The following CEP55 variants were observed in gnomAD, a reference collection of about 807,000 sequenced individuals.
CEP55 encodes centrosomal protein 55.
A neutral mutation model predicts 63.2 loss-of-function variants in CEP55; 57 were observed. The ratio of observed to expected loss-of-function variants is 0.90; its 90% CI spans 0.73 to 1.13. CEP55 has a LOEUF of 1.13. Ranked by LOEUF, CEP55 falls within the 50% of genes most tolerant of loss-of-function variation. The pLI, the probability that CEP55 is intolerant of heterozygous loss-of-function variation, is 0.00. For synonymous variants in CEP55, 178 were observed against 191.6 expected (o/e 0.93, Z 0.59); for missense variants, 456 against 518.9 (o/e 0.88, Z 1.18).
rs756771980 is a variant in CEP55, at chr10:93,516,929, T to C, written c.680-6T>C. The C allele has an allele frequency of 2.6e-6, 4 of 1,562,678 alleles. No homozygotes were observed. The East Asian group carries it at 6.8e-5, about 27-fold the overall frequency. On this transcript the variant is annotated splice_polypyrimidine_tract_variant and splice_region_variant and intron_variant, in intron 5 of 8. Coordinates refer to ENST00000371485, the MANE Select transcript of CEP55 (RefSeq NM_018131.5). ...GTGAGTTGTGCCGTAATGTTGTTTG[T>C]CATAGGTTATCTTCAAGAAGAGAAG...
intron 6 of CEP55, among the ~76,000 whole-genome samples, chr10:93,517,558 AC>A (rs1381286618): frequency 6.6e-6 from 1 of 152,238 alleles, no homozygotes; most frequent in Non-Finnish European, 1.5e-5. Flanking sequence ...AGGAAATTGT[AC>A]ACACAAAGGC....
chr10:93,524,603 TC>T (rs2057900567), intron 8 of CEP55, among the ~76,000 whole-genome samples: 2 of 152,130 alleles, frequency 1.3e-5, no homozygotes, highest in Admixed American at 6.5e-5. Context: ...GCCAGCATCA[TC>T]CTGATACCAA....
chr10:93,515,599 T>A (rs1412957890), intron 5 of CEP55, 44 bp downstream of exon 5: 4 of 1,484,544 alleles, frequency 2.7e-6, no homozygotes, highest in Admixed American at 2.1e-5. Flanking sequence ...AGGCCTGACA[T>A]TTTCCAAAAG....
chr10:93,524,924 T>G (rs914240849), intron 8 of CEP55, among the ~76,000 whole-genome samples: 1 of 152,054 alleles, frequency 6.6e-6, no homozygotes, highest in African/African-American at 2.4e-5. Flanking sequence ...AAATTAGGTA[T>G]TGATGGGACA....
At chr10:93,510,004 C>T (rs2057728277) in intron 4 of CEP55, among the ~76,000 whole-genome samples, 1 of 152,148 alleles carries the variant, frequency 6.6e-6, no homozygotes, top group Non-Finnish European at 1.5e-5. Flanking sequence ...CAGAAACTTC[C>T]TGTAGAAGCT....
chr10:93,517,766 G>A (rs117554604), intron 6 of CEP55, among the ~76,000 whole-genome samples: 2,268 of 152,308 alleles, frequency 0.015, 32 homozygotes, highest in Non-Finnish European at 0.023. Flanking sequence ...GAGTTACTAC[G>A]TTAGGATTAT....
intron 2 of CEP55, among the ~76,000 whole-genome samples, chr10:93,501,973 A>G (rs968060114): frequency 2.0e-5 from 3 of 152,176 alleles, no homozygotes; most frequent in African/African-American, 7.2e-5. Flanking sequence ...TATAACTTCT[A>G]CCCATTTGTT....
intron 4 of CEP55, among the ~76,000 whole-genome samples, chr10:93,508,893 T>G (rs189623675): frequency 6.6e-6 from 1 of 152,360 alleles, no homozygotes; most frequent in East Asian, 1.9e-4. Context: ...ATTTACAATC[T>G]ATTTAACTTC....
intron 1 of CEP55, among the ~76,000 whole-genome samples, chr10:93,498,906 A>C (rs1416397491): frequency 2.6e-5 from 4 of 152,012 alleles, no homozygotes; most frequent in Non-Finnish European, 5.9e-5. Context: ...TAATGGGCTC[A>C]TACTCCTTTA....
At chr10:93,507,874 C>T (rs756787622) in intron 4 of CEP55, among the ~76,000 whole-genome samples, 12 of 151,982 alleles carry the variant, frequency 7.9e-5, no homozygotes. Flanking sequence ...CTTGAACTCC[C>T]GACCTCAGGT....
At chr10:93,503,020 A>G in intron 2 of CEP55, 93 bp from the exon 3 acceptor site, 1 of 1,221,658 alleles carries the variant, frequency 8.2e-7, no homozygotes, top group Non-Finnish European at 1.1e-6. Flanking sequence ...TGACTTGATA[A>G]TAAATGCTTC....
At chr10:93,521,599 G>A (rs1446472735) in intron 8 of CEP55, among the ~76,000 whole-genome samples, 2 of 152,142 alleles carry the variant, frequency 1.3e-5, no homozygotes, top group Non-Finnish European at 2.9e-5. Flanking sequence ...AGACAGTAGT[G>A]GTTCTCCCAG....
chr10:93,528,728 C>T lies in CEP55; in HGVS notation c.*575C>T, dbSNP rs1364516294. On this transcript the variant is annotated 3_prime_UTR_variant, in exon 9 of 9. Coordinates refer to ENST00000371485, the MANE Select transcript of CEP55 (RefSeq NM_018131.5). ...CTTAACCCAGCTGTGTTCCCCAACT[C>T]TGTTCTGCGCACGAAACAGTATCTG... 6.5e-6 allele frequency: 1 copy of T among 152,860 alleles called. No homozygotes were observed. Among genetic ancestry groups the T allele is most frequent in the East Asian group, 1.9e-4 (1 of 5,202 alleles). The allele number at this position is 152,860 out of a possible 1,614,324, so 9.5% of individuals were successfully genotyped here.
At chr10:93,521,440 C>T (rs201102673) in intron 8 of CEP55, among the ~76,000 whole-genome samples, 9 of 152,278 alleles carry the variant, frequency 5.9e-5, no homozygotes, top group East Asian at 3.9e-4. Flanking sequence ...GTAAACAAAG[C>T]GGCCGGGAAG....
At chr10:93,506,521 A>G (rs1398817877) in intron 3 of CEP55, among the ~76,000 whole-genome samples, 1 of 152,116 alleles carries the variant, frequency 6.6e-6, no homozygotes, top group African/African-American at 2.4e-5. Context: ...TATCTCTGGT[A>G]ACTCTCACCT....
chr10:93,499,679 G>A (rs915997770), intron 1 of CEP55, among the ~76,000 whole-genome samples: 5 of 151,858 alleles, frequency 3.3e-5, no homozygotes, highest in Non-Finnish European at 5.9e-5. Flanking sequence ...CTGCCACCAC[G>A]CCTGGCTAAG....
Position 93,500,080 on chromosome 10 carries a change from T to C in CEP55, c.29T>C (p.Ile10Thr), listed in dbSNP as rs760034929. Residue 10 changes from isoleucine to threonine, a missense_variant, in exon 2 of 9, where the codon ATT (isoleucine) becomes ACT (threonine). Ile to Thr is a moderately conservative substitution (Grantham distance 89). Coordinates refer to ENST00000371485, the MANE Select transcript of CEP55 (RefSeq NM_018131.5). MSSRSTKDL[I>T]KSKWGSKPSN... ...TCTTCCAGAAGTACCAAAGATTTAA[T>C]TAAAAGTAAGTGGGGATCGAAGCCT... 2 of 1,609,402 alleles carry C rather than the reference T, an allele frequency of 1.2e-6. No individual in the cohort carries two copies. The highest frequency in any genetic ancestry group is 1.7e-6 in the Non-Finnish European group (2 of 1,178,690).
intron 6 of CEP55, among the ~76,000 whole-genome samples, chr10:93,518,590 A>G (rs2057826781): frequency 6.6e-6 from 1 of 152,206 alleles, no homozygotes; most frequent in Non-Finnish European, 1.5e-5. Context: ...TATCCTACTC[A>G]GAAGTGTCAG....
intron 8 of CEP55, among the ~76,000 whole-genome samples, chr10:93,521,714 C>A (rs1019949019): frequency 6.6e-6 from 1 of 151,616 alleles, no homozygotes; most frequent in Non-Finnish European, 1.5e-5. Context: ...CAGACTGACA[C>A]CTCACACAGC....
Sources: gnomAD v4.1 joint callset for allele counts (sites outside exome capture counted in the v4.1 genomes callset) on GRCh38, gnomAD v4.1.1 for gene constraint, MANE v1.5 for transcripts, NCBI Gene and HGNC (gene_info 2026-07-23, HGNC 2026-07-21) for gene names.